Variants in HHIPL1 observed in about 807,000 individuals in gnomAD.
HHIPL1 encodes the protein HHIP like 1.
A neutral mutation model predicts 61.8 loss-of-function variants in HHIPL1; 43 were observed. The ratio of observed to expected loss-of-function variants is 0.70; its 90% CI spans 0.55 to 0.90. The LOEUF (loss-of-function observed/expected upper bound fraction) is 0.90, where lower values mean the gene tolerates loss of function less well. Ranked by LOEUF, HHIPL1 falls within the 40% of genes least tolerant of loss-of-function variation. HHIPL1 has a pLI of 0.00. For missense variants in HHIPL1, 1,056 were observed against 1,157.7 expected (o/e 0.91, Z 1.28); for synonymous variants, 482 against 515.8 (o/e 0.93, Z 0.89).
At chr14:99,613,771 C>T in the HHIPL1 span, among the ~76,000 whole-genome samples, 18 of 151,948 alleles carry the variant, frequency 1.2e-4, no homozygotes, top group Admixed American at 7.2e-4. Context: ...ATTAGCCGGG[C>T]GCAGTGGTGC....
chr14:99,647,641 T>C (rs952364053), intron 1 of HHIPL1, among the ~76,000 whole-genome samples: 5 of 152,194 alleles, frequency 3.3e-5, no homozygotes, highest in Non-Finnish European at 7.3e-5. Context: ...GGCTGGGTTA[T>C]GGTTTCACTG....
the HHIPL1 span, among the ~76,000 whole-genome samples, chr14:99,613,565 C>T: frequency 2.0e-5 from 3 of 151,992 alleles, no homozygotes; most frequent in Non-Finnish European, 4.4e-5. Flanking sequence ...TACCCAAGTG[C>T]TGGAATTATA....
At chr14:99,634,481 T>A in the HHIPL1 span, among the ~76,000 whole-genome samples, 1 of 152,212 alleles carries the variant, frequency 6.6e-6, no homozygotes, top group South Asian at 2.1e-4. Context: ...AGTTGTTTCT[T>A]GAATCTCTGA....
At chr14:99,614,785 G>A in the HHIPL1 span, among the ~76,000 whole-genome samples, 2 of 152,186 alleles carry the variant, frequency 1.3e-5, no homozygotes, top group African/African-American at 2.4e-5. Flanking sequence ...GACGCTGGAG[G>A]GGACGAGGGT....
intron 6 of HHIPL1, among the ~76,000 whole-genome samples, chr14:99,664,576 C>T (rs2140084442): frequency 6.6e-6 from 1 of 152,278 alleles, no homozygotes; most frequent in African/African-American, 2.4e-5. Context: ...AGCACAGAGC[C>T]CGGAGCCCTG....
chr14:99,631,102 T>TTCTC, the HHIPL1 span, among the ~76,000 whole-genome samples: 1 of 128,590 alleles, frequency 7.8e-6, no homozygotes, highest in Non-Finnish European at 1.7e-5. Context: ...CTTTCTTTCT[T>TTCTC]TCTTTCTCTC....
chr14:99,643,796 T>C (rs1331205358), upstream of HHIPL1, among the ~76,000 whole-genome samples: 4 of 152,138 alleles, frequency 2.6e-5, no homozygotes, highest in Non-Finnish European at 5.9e-5. Flanking sequence ...GTATTTCTCC[T>C]CCTCTGTCTG....
At chr14:99,611,585 CTTT>C in the HHIPL1 span, among the ~76,000 whole-genome samples, 768 of 130,134 alleles carry the variant, frequency 5.9e-3, 5 homozygotes, top group South Asian at 0.023. Flanking sequence ...CGTGCCTGGC[CTTT>C]TTTTTTTTTT....
the HHIPL1 span, among the ~76,000 whole-genome samples, chr14:99,616,199 A>C: frequency 3.9e-5 from 6 of 152,200 alleles, no homozygotes; most frequent in African/African-American, 1.4e-4. Flanking sequence ...GATATTCAGT[A>C]CAGGTACATG....
the HHIPL1 span, among the ~76,000 whole-genome samples, chr14:99,620,937 C>T: frequency 1.3e-5 from 2 of 152,244 alleles, no homozygotes; most frequent in African/African-American, 2.4e-5. Context: ...GAAGGCAACA[C>T]TCGGGTCTGC....
rs774259225 is a variant in HHIPL1 at position 99,660,294 on chromosome 14, AT to A, written c.1394del (p.Phe465SerfsTer25). 1.2e-6 allele frequency: 2 copies of A among 1,613,810 alleles called. No homozygotes were observed. The highest frequency in any genetic ancestry group is 2.2e-5 in the South Asian group (2 of 91,068). The part of the protein sequence containing the change: ...ANTSLNDLLP[I>X]FAYPHTVGKS... Reference sequence around the variant, plus strand: ...CCACCCCGCAGATGACTTGCTGCCGATTTTCGCCTACCCGCACACGGTTGGC... The same window carrying A: ...CCACCCCGCAGATGACTTGCTGCCGATTTCGCCTACCCGCACACGGTTGGC... On this transcript the variant is annotated frameshift_variant, in exon 5 of 9. Transcript: ENST00000330710. LOFTEE classifies it high-confidence loss of function. This position sits in a 1 kb window ranked among gnomAD's most constrained non-coding sequence, Gnocchi z 4.9.
At chr14:99,632,204 C>G in the HHIPL1 span, among the ~76,000 whole-genome samples, 2 of 152,212 alleles carry the variant, frequency 1.3e-5, no homozygotes, top group Non-Finnish European at 2.9e-5. Flanking sequence ...GTGCAGGTGC[C>G]TGTGTGTTTG....
chr14:99,653,218 G>T (rs2055968738), intron 2 of HHIPL1, among the ~76,000 whole-genome samples: 1 of 152,218 alleles, frequency 6.6e-6, no homozygotes, highest in South Asian at 2.1e-4. Context: ...TTAGAAAGGT[G>T]AAGTGTTGGG....
intron 1 of HHIPL1, among the ~76,000 whole-genome samples, chr14:99,651,758 G>A (rs1170326629): frequency 2.0e-5 from 3 of 152,224 alleles, no homozygotes; most frequent in Non-Finnish European, 4.4e-5. Context: ...AGCCAAGTTA[G>A]AGAGCACTTC....
intron 5 of HHIPL1, among the ~76,000 whole-genome samples, chr14:99,662,017 T>C (rs775257818): frequency 6.6e-6 from 1 of 152,084 alleles, no homozygotes; most frequent in Non-Finnish European, 1.5e-5. Context: ...AGCCTCTGTT[T>C]TTACCCCTGA....
At chr14:99,663,426 C>T (rs910445227) in intron 6 of HHIPL1, among the ~76,000 whole-genome samples, 12 of 152,126 alleles carry the variant, frequency 7.9e-5, no homozygotes, top group African/African-American at 1.4e-4. Context: ...AACTTCCTGA[C>T]GTTGCCATGG....
upstream of HHIPL1, among the ~76,000 whole-genome samples, chr14:99,641,770 A>C (rs2055755393): frequency 6.6e-6 from 1 of 151,796 alleles, no homozygotes; most frequent in African/African-American, 2.4e-5. Flanking sequence ...TCTATAGGTA[A>C]GGTATTTTTC....
chr14:99,609,130 G>A, the HHIPL1 span, among the ~76,000 whole-genome samples: 1 of 152,158 alleles, frequency 6.6e-6, no homozygotes, highest in African/African-American at 2.4e-5. Context: ...GCCTCTGGAT[G>A]GCACCTGTGG....
the HHIPL1 span, among the ~76,000 whole-genome samples, chr14:99,606,610 G>T: frequency 6.6e-6 from 1 of 152,208 alleles, no homozygotes; most frequent in African/African-American, 2.4e-5. Flanking sequence ...GGCAGCTTCC[G>T]CTGAACTTCC....
Sources: gnomAD v4.1 joint callset for allele counts (sites outside exome capture counted in the v4.1 genomes callset) on GRCh38, gnomAD v4.1.1 for gene constraint, Gnocchi (gnomAD v3.1) non-coding constraint, MANE v1.5 for transcripts, NCBI Gene and HGNC (gene_info 2026-07-23, HGNC 2026-07-21) for gene names.